Variants in ANGPTL6 observed in about 807,000 individuals in gnomAD.
ANGPTL6 encodes the protein angiopoietin-related protein 6.
A neutral mutation model predicts 47.4 loss-of-function variants in ANGPTL6; 45 were observed. The observed-to-expected ratio is 0.95, with a 90% CI of 0.75 to 1.22. The LOEUF (loss-of-function observed/expected upper bound fraction) is 1.22, where lower values mean the gene tolerates loss of function less well. Ranked by LOEUF, ANGPTL6 falls within the 50% of genes most tolerant of loss-of-function variation. The pLI is 0.00. For missense variants in ANGPTL6, 698 were observed against 669.4 expected, an observed-to-expected ratio of 1.04 and a Z score of -0.47; for synonymous variants, 290 against 295.9, an observed-to-expected ratio of 0.98 and a Z score of 0.20.
chr19:10,103,876 C>CAT (rs1426666600), upstream of ANGPTL6, among the ~76,000 whole-genome samples: 5 of 147,744 alleles, frequency 3.4e-5, no homozygotes, highest in Non-Finnish European at 6.1e-5. Flanking sequence ...GGGCAGATCA[C>CAT]GAGGTCAGCA....
chr19:10,094,521 C>T, intron 3 of ANGPTL6: 1 of 581,496 alleles, frequency 1.7e-6, no homozygotes, highest in Non-Finnish European at 3.0e-6. Flanking sequence ...ATACTCTGAA[C>T]CAGTTCAAAC....
At chr19:10,102,063 C>T (rs1446193085) in intron 1 of ANGPTL6, among the ~76,000 whole-genome samples, 2 of 138,566 alleles carry the variant, frequency 1.4e-5, no homozygotes, top group African/African-American at 5.4e-5. Context: ...TTGCAGTGAG[C>T]TGAGATCGCG....
At chr19:10,094,233 TCCTC>T (rs892090978) in intron 3 of ANGPTL6, among the ~76,000 whole-genome samples, 8 of 151,780 alleles carry the variant, frequency 5.3e-5, no homozygotes, top group African/African-American at 1.9e-4. Flanking sequence ...TGCAACCTCA[TCCTC>T]CCAGGTTCAC....
At chr19:10,096,690 G>T in intron 1 of ANGPTL6, 117 bp from the exon 2 acceptor site, 4 of 785,094 alleles carry the variant, frequency 5.1e-6, no homozygotes, top group Non-Finnish European at 7.5e-6. Flanking sequence ...CATAATTTCA[G>T]TCCCCATCTC....
intron 5 of ANGPTL6, 184 bp from the exon 6 acceptor site, chr19:10,092,963 T>G (rs2088430156): frequency 3.8e-6 from 2 of 531,282 alleles, no homozygotes; most frequent in East Asian, 6.1e-5. Context: ...TTCAGAGTAA[T>G]AGCCTTAATT....
chr19:10,096,286 A>C lies in ANGPTL6; in HGVS notation c.278T>G (p.Val93Gly), dbSNP rs926574412. The C allele has an allele frequency of 1.1e-5, 13 of 1,218,332 alleles. No individual in the cohort carries two copies. Among genetic ancestry groups the C allele is most frequent in the Non-Finnish European group, 1.3e-5 (13 of 981,322 alleles). The allele number at this position is 1,218,332 out of a possible 1,614,324, so 75.5% of individuals were successfully genotyped here. The change falls in exon 2 of 6, where the codon GTG (valine) becomes GGG (glycine). Residue 93 changes from valine to glycine, a missense_variant. Val to Gly is a moderately radical substitution (Grantham distance 109, BLOSUM62 -3). Coordinates refer to ENST00000253109, the MANE Select transcript of ANGPTL6 (RefSeq NM_031917.3). ...AAADGAVAGE[V>G]RALRKESRGL... The stretch of plus-strand genomic sequence containing the variant: ...GCGGCTCTCCTTGCGCAGCGCGCGC[A>C]CCTCGCCGGCCACGGCGCCGTCGGC...
In ANGPTL6 at chr19:10,096,569, C is replaced by G. The variant is rs1053343270; in HGVS notation, c.-6G>C. On this transcript the variant is annotated 5_prime_UTR_variant, in exon 2 of 6. Transcript: ENST00000253109. ...CGCAGCCAGGGCTTCCCCATCGCGG[C>G]GGACCTGCAGGCAGAGGAGGAACGG... 8.2e-5 allele frequency: 123 copies of G among 1,504,384 alleles called. No homozygotes were observed. The highest frequency in any genetic ancestry group is 1.1e-4 in the Non-Finnish European group (121 of 1,133,788). The allele number at this position is 1,504,384 out of a possible 1,614,324, so 93.2% of individuals were successfully genotyped here. A position where few individuals can be genotyped will look rare whatever the true frequency, so the allele number is the denominator to read the frequency against.
chr19:10,098,050 T>A (rs1226078592), intron 1 of ANGPTL6, among the ~76,000 whole-genome samples: 1 of 148,602 alleles, frequency 6.7e-6, no homozygotes, highest in Admixed American at 6.7e-5. Context: ...CAGAACCACA[T>A]CTGGCTAATG....
upstream of ANGPTL6, among the ~76,000 whole-genome samples, chr19:10,105,256 C>G (rs2088789955): frequency 6.6e-6 from 1 of 152,258 alleles, no homozygotes; most frequent in Non-Finnish European, 1.5e-5. Flanking sequence ...CGGCCCCCCA[C>G]CCTCAGCCCC....
rs751387207 is a variant in ANGPTL6, at chr19:10,092,576, G to T, written c.*13C>A. 6.3e-7 allele frequency: 1 copy of T among 1,594,900 alleles called. No individual in the cohort carries two copies. Among genetic ancestry groups the T allele is most frequent in the Non-Finnish European group, 8.6e-7 (1 of 1,167,140 alleles). On this transcript the variant is annotated 3_prime_UTR_variant, in exon 6 of 6. Coordinates refer to ENST00000253109, the MANE Select transcript of ANGPTL6 (RefSeq NM_031917.3). ...AATGTCCTCTAGGGCCTAGGGGACA[G>T]AGGAACACAGAGTCACAGCTTCAGG...
At chr19:10,101,074 T>C (rs900180301) in intron 1 of ANGPTL6, among the ~76,000 whole-genome samples, 15 of 151,860 alleles carry the variant, frequency 9.9e-5, no homozygotes, top group African/African-American at 3.6e-4. Flanking sequence ...CCAGGCGTAG[T>C]GGCACGCGCC....
Position 10,092,601 on chromosome 19 carries a change from G to A in ANGPTL6, c.1401C>T (p.Pro467=). The change falls in exon 6 of 6, where the codon CCC becomes CCT. Residue 467 remains proline (P), a synonymous_variant. Coordinates refer to ENST00000253109, the MANE Select transcript of ANGPTL6 (RefSeq NM_031917.3). ...SLRKAAMLIR[P]LKL ...GAGGAACACAGAGTCACAGCTTCAG[G>A]GGCCGAATGAGCATGGCGGCCTTCC... 1 of 1,605,800 alleles carries A rather than the reference G, an allele frequency of 6.2e-7. No homozygotes were observed. Among genetic ancestry groups the A allele is most frequent in the African/African-American group, 1.3e-5 (1 of 74,902 alleles).
At position 10,096,358 on chromosome 19, in the gene ANGPTL6, A is replaced by G; in HGVS notation, c.206T>C (p.Val69Ala). 1 of 1,286,926 alleles carries G rather than the reference A, an allele frequency of 7.8e-7. No individual in the cohort carries two copies. Among genetic ancestry groups the G allele is most frequent in the Non-Finnish European group, 9.8e-7 (1 of 1,022,160 alleles). The allele number at this position is 1,286,926 out of a possible 1,614,324, so 79.7% of individuals were successfully genotyped here. A position where few individuals can be genotyped will look rare whatever the true frequency, so the allele number is the denominator to read the frequency against. Reference sequence around the variant, plus strand: ...GCGTAACAGCTCCTCGTGGCGGCCGACGCGCATGCGCAGCGCCGCCAGCTC... The same window carrying G: ...GCGTAACAGCTCCTCGTGGCGGCCGGCGCGCATGCGCAGCGCCGCCAGCTC... ...ASELAALRMRVGRHEELLREL... is the reference protein window; with the variant it reads ...ASELAALRMRAGRHEELLREL... The change falls in exon 2 of 6, where the codon GTC (valine) becomes GCC (alanine). Residue 69 changes from valine to alanine, a missense_variant. Transcript: ENST00000253109.
chr19:10,096,802 C>T (rs1479670734), intron 1 of ANGPTL6, among the ~76,000 whole-genome samples: 1 of 152,152 alleles, frequency 6.6e-6, no homozygotes, highest in Non-Finnish European at 1.5e-5. Flanking sequence ...TTCATTCATT[C>T]GACAAGCGAG....
At chr19:10,095,451 G>T (rs2088506317) in intron 2 of ANGPTL6, among the ~76,000 whole-genome samples, 1 of 152,130 alleles carries the variant, frequency 6.6e-6, no homozygotes, top group Non-Finnish European at 1.5e-5. Context: ...ACAGAGCTGG[G>T]CTTAAATACC....
At chr19:10,102,868 C>T (rs374706422), upstream of ANGPTL6, 28 of 760,780 alleles carry the variant, frequency 3.7e-5, no homozygotes, top group East Asian at 3.3e-3. Context: ...GTGTCCTGGA[C>T]ATCCCTCCCT....
rs571378270 is a variant in ANGPTL6, at chr19:10,102,048, G to A, written c.-11+520C>T. 1.1e-4 allele frequency among the ~76,000 whole-genome samples: 16 copies of A among 148,424 alleles called. 1 individual carries two copies. Among genetic ancestry groups the A allele is most frequent in the African/African-American group, 2.0e-4 (8 of 40,562 alleles). The stretch of plus-strand genomic sequence containing the variant: ...GGAGAATGGCGTGAACCCGGAAGGC[G>A]GAGCTTGCAGTGAGCTGAGATCGCG... On this transcript the variant is annotated intron_variant, in intron 1 of 5. Transcript: ENST00000253109.
chr19:10,096,380 G>A lies in ANGPTL6; in HGVS notation c.184C>T (p.Leu62=), dbSNP rs1285335120. ...CCGACGCGCATGCGCAGCGCCGCCA[G>A]CTCGCTGGCGTTGGCGGCCTCGGGC... is the stretch of plus-strand genomic sequence containing the variant. ...ATPEAANASE[L]AALRMRVGRH... Residue 62 remains leucine (L), a synonymous_variant, in exon 2 of 6, where the codon CTG becomes TTG. Coordinates refer to ENST00000253109, the MANE Select transcript of ANGPTL6 (RefSeq NM_031917.3). The A allele has an allele frequency of 7.7e-7, 1 of 1,298,370 alleles. No individual in the cohort carries two copies. Among genetic ancestry groups the A allele is most frequent in the East Asian group, 3.1e-5 (1 of 32,024 alleles). 80.4% of individuals were successfully genotyped at this position (1,298,370 alleles called of 1,614,324 possible).
chr19:10,101,495 C>T (rs970251257), intron 1 of ANGPTL6, among the ~76,000 whole-genome samples: 9 of 151,836 alleles, frequency 5.9e-5, no homozygotes, highest in Non-Finnish European at 1.2e-4. Flanking sequence ...TGCAAAGGCC[C>T]GGAGATTGCA....
Sources: gnomAD v4.1 joint callset for allele counts (sites outside exome capture counted in the v4.1 genomes callset) on GRCh38, gnomAD v4.1.1 for gene constraint, MANE v1.5 for transcripts, NCBI Gene and HGNC (gene_info 2026-07-23, HGNC 2026-07-21) for gene names.